FBN1: variants seen among roughly 807,000 people sequenced by gnomAD.
FBN1 encodes fibrillin-1.
A neutral mutation model predicts 365.1 loss-of-function variants in FBN1; 29 were observed. The observed-to-expected ratio is 0.08, with a 90% CI of 0.06 to 0.11. The LOEUF (loss-of-function observed/expected upper bound fraction) is 0.11, where lower values mean the gene tolerates loss of function less well. Among genes scored for constraint, FBN1 ranks in the 10% least tolerant of loss-of-function variants. The pLI is 1.00. For synonymous variants in FBN1, 1,210 were observed against 1,270.5 expected (o/e 0.95, Z 1.01); for missense variants, 2,476 against 3,703.2 (o/e 0.67, Z 8.60).
intron 2 of FBN1, among the ~76,000 whole-genome samples, chr15:48,621,705 T>C (rs1889769681): frequency 6.6e-6 from 1 of 152,158 alleles, no homozygotes; most frequent in Non-Finnish European, 1.5e-5. Context: ...TATTGGTTCA[T>C]TGGTTGGGCA....
rs794728184 is a variant in FBN1, at chr15:48,499,026, G to C, written c.2126C>G (p.Ala709Gly). ...CATTCCTGGCCCACTGCTGCAGAGT[G>C]CCTGATATTCCGCTGCAATAAATTA... is the stretch of plus-strand genomic sequence containing the variant. ...CPAQNSAEYQ[A>G]LCSSGPGMTS... The change falls in exon 18 of 66, where the codon GCA becomes GGA. Residue 709 changes from alanine (A) to glycine (G), a missense_variant. Transcript: ENST00000316623. 1.9e-6 allele frequency: 3 copies of C among 1,614,026 alleles called. No homozygotes were observed. Among genetic ancestry groups the C allele is most frequent in the Non-Finnish European group, 1.7e-6 (2 of 1,179,966 alleles).
intron 2 of FBN1, among the ~76,000 whole-genome samples, chr15:48,615,217 T>C (rs1889628725): frequency 6.6e-6 from 1 of 152,078 alleles, no homozygotes; most frequent in Non-Finnish European, 1.5e-5. Context: ...TACCAAATCC[T>C]GGAATAGTGT....
intron 18 of FBN1, among the ~76,000 whole-genome samples, chr15:48,498,110 G>C (rs901216545): frequency 2.6e-5 from 4 of 152,058 alleles, no homozygotes; most frequent in Non-Finnish European, 5.9e-5. Context: ...GGCAGGTGCA[G>C]AATGACAACC....
Position 48,441,743 on chromosome 15 carries a change from G to A in FBN1, c.6141C>T (p.Ser2047=), listed in dbSNP as rs2141245369. Reference sequence around the variant, plus strand: ...TACCTTGGCACCTTCTTCCACTGGAGGACAAGGAAAACCCTTCTGGACACA... The same window carrying A: ...TACCTTGGCACCTTCTTCCACTGGAAGACAAGGAAAACCCTTCTGGACACA... The part of the protein sequence containing the change: ...KCLCPEGFSL[S]SSGRRCQDLR... Residue 2047 remains serine (S), a synonymous_variant, in exon 50 of 66, where the codon TCC becomes TCT. Transcript: ENST00000316623. 6.2e-7 allele frequency: 1 copy of A among 1,613,640 alleles called. No individual in the cohort carries two copies. Among genetic ancestry groups the A allele is most frequent in the Non-Finnish European group, 8.5e-7 (1 of 1,179,664 alleles).
At chr15:48,634,255 G>C (rs760891547) in intron 2 of FBN1, among the ~76,000 whole-genome samples, 26 of 152,198 alleles carry the variant, frequency 1.7e-4, no homozygotes, top group Non-Finnish European at 2.1e-4. Flanking sequence ...ATACACAGGT[G>C]CATACCAGAC....
At chr15:48,493,077 T>C (rs2043575543) in intron 23 of FBN1, among the ~76,000 whole-genome samples, 1 of 152,186 alleles carries the variant, frequency 6.6e-6, no homozygotes, top group Non-Finnish European at 1.5e-5. Flanking sequence ...CCAGAAAATG[T>C]ACAATCAATT....
chr15:48,509,815 CCAGGGATCTTTA>C (rs2043743518), intron 14 of FBN1, among the ~76,000 whole-genome samples: 1 of 152,006 alleles, frequency 6.6e-6, no homozygotes, highest in Non-Finnish European at 1.5e-5. Context: ...TTTCATCACA[CCAGGGATCTTTA>C]AATGGCAAGC....
rs977229929 is a variant in FBN1 at position 48,610,645 on chromosome 15, G to T, written c.346+83C>A. 3.2e-5 allele frequency: 33 copies of T among 1,045,544 alleles called. No homozygotes were observed. The African/African-American group carries it at 5.1e-4, about 16-fold the overall frequency. The allele number at this position is 1,045,544 out of a possible 1,614,324, so 64.8% of individuals were successfully genotyped here. On this transcript the variant is annotated intron_variant, in intron 4 of 65. Transcript: ENST00000316623. ...TAGTGAAAAAATGTATTGCAGGAAA[G>T]AGGAAAGCCAAAATCAAATTTAGGA...
At chr15:48,429,001 T>C (rs2043004904) in intron 56 of FBN1, among the ~76,000 whole-genome samples, 1 of 152,208 alleles carries the variant, frequency 6.6e-6, no homozygotes, top group Admixed American at 6.5e-5. Flanking sequence ...TAAAAGCAAA[T>C]ACATACATAA....
At chr15:48,643,111 T>C (rs1054449419) in intron 2 of FBN1, 4 of 152,216 alleles carry the variant, frequency 2.6e-5, no homozygotes, top group Non-Finnish European at 5.9e-5. Context: ...CCTATCAGAA[T>C]AGATATTAAG....
At chr15:48,554,763 T>C (rs1310367288) in intron 6 of FBN1, among the ~76,000 whole-genome samples, 1 of 152,204 alleles carries the variant, frequency 6.6e-6, no homozygotes, top group Non-Finnish European at 1.5e-5. Context: ...ACACATTATA[T>C]CTGCAAACTG....
intron 6 of FBN1, among the ~76,000 whole-genome samples, chr15:48,576,071 T>C (rs2044344670): frequency 1.3e-5 from 2 of 152,156 alleles, no homozygotes; most frequent in African/African-American, 4.8e-5. Context: ...TGAAGTATTA[T>C]GAAGTCTCAG....
In FBN1 at chr15:48,644,716, C is replaced by T. The variant is rs1469562180; in HGVS notation, c.54G>A (p.Ala18=). 6.2e-7 allele frequency: 1 copy of T among 1,614,094 alleles called. No individual in the cohort carries two copies. Among genetic ancestry groups the T allele is most frequent in the South Asian group, 1.1e-5 (1 of 91,088 alleles). The change falls in exon 2 of 66, where the codon GCG becomes GCA. Residue 18 remains alanine, a synonymous_variant. Transcript: ENST00000316623. ...CGTCCGCCCCATGGCTCGTGTAGGA[C>T]GCTAAAAGCACGGTAAATCCCAGGG... is the stretch of plus-strand genomic sequence containing the variant. ...EIALGFTVLL[A]SYTSHGADAN...
At chr15:48,594,786 A>G (rs1338941943) in intron 6 of FBN1, among the ~76,000 whole-genome samples, 1 of 152,124 alleles carries the variant, frequency 6.6e-6, no homozygotes, top group Non-Finnish European at 1.5e-5. Flanking sequence ...CTTATTAGTG[A>G]TTTTTCTAAA....
rs768263285 is a variant in FBN1 at position 48,488,513 on chromosome 15, T to C, written c.3083-20A>G. The C allele has an allele frequency of 6.2e-7, 1 of 1,611,258 alleles. No homozygotes were observed. On this transcript the variant is annotated intron_variant, in intron 25 of 65. Transcript: ENST00000316623. ...TGATATCTTCAAGAATAAGAAAATG[T>C]GGGGCAAAATAAGTTTATGAGCAAG...
intron 45 of FBN1, 96 bp from the exon 46 acceptor site, chr15:48,448,989 T>A: frequency 9.9e-7 from 1 of 1,014,000 alleles, no homozygotes. Flanking sequence ...ATCCTAGCTC[T>A]AAACTAAGTT....
At chr15:48,468,697 T>C (rs1333884849) in intron 36 of FBN1, among the ~76,000 whole-genome samples, 163 bp from the exon 37 acceptor site, 1 of 152,048 alleles carries the variant, frequency 6.6e-6, no homozygotes, top group Non-Finnish European at 1.5e-5. Context: ...ATAAAACACC[T>C]CAGGAAGGAA....
chr15:48,483,819 T>C lies in FBN1; in HGVS notation c.3837A>G (p.Val1279=), dbSNP rs59007872. ...AAAAATTCTGTCTTCTTTGCTTACC[T>C]ACACAAGTCTTCATGTCTTCAGATG... ...FMASEDMKTC[V]DVNECDLNPN... is the part of the protein sequence containing the mutation. Residue 1279 remains valine (V), a splice_region_variant and synonymous_variant, in exon 31 of 66, where the codon GTA becomes GTG. Coordinates refer to ENST00000316623, the MANE Select transcript of FBN1 (RefSeq NM_000138.5). 1.1e-5 allele frequency: 18 copies of C among 1,613,668 alleles called. No homozygotes were observed. The African/African-American group carries it at 1.5e-4, about 13-fold the overall frequency.
intron 6 of FBN1, among the ~76,000 whole-genome samples, chr15:48,558,823 GGT>G (rs1290968607): frequency 6.6e-6 from 1 of 152,142 alleles, no homozygotes; most frequent in Non-Finnish European, 1.5e-5. Context: ...AGTACCTATA[GGT>G]GCTGTATAGC....
Sources: allele counts gnomAD v4.1 joint callset (sites outside exome capture counted in the v4.1 genomes callset), GRCh38; gene constraint gnomAD v4.1.1; transcripts MANE v1.5; gene names NCBI Gene and HGNC (gene_info 2026-07-23, HGNC 2026-07-21).